IGF1R: variants seen among roughly 807,000 people sequenced by gnomAD.
IGF1R encodes insulin like growth factor 1 receptor.
In IGF1R, 44 loss-of-function variants were observed where a neutral mutation model predicts 144.6. The ratio of observed to expected loss-of-function variants is 0.30; its 90% CI spans 0.24 to 0.39. IGF1R has a LOEUF of 0.39. IGF1R is among the 10% of genes least tolerant of loss of function. The pLI is 1.00. For synonymous variants in IGF1R, 795 were observed against 722.8 expected (o/e 1.10, Z -1.60); for missense variants, 1,355 against 1,833.7 (o/e 0.74, Z 4.77).
chr15:98,877,844 A>C (rs547139342), intron 2 of IGF1R, among the ~76,000 whole-genome samples: 6 of 152,356 alleles, frequency 3.9e-5, no homozygotes, highest in African/African-American at 1.2e-4. Context: ...ACAAAATTTT[A>C]TCAGAAACAT....
Position 98,847,966 on chromosome 15 carries a change from A to G in IGF1R, c.641-43359A>G, listed in dbSNP as rs1237002944. Among the ~76,000 whole-genome samples, 6 of 152,186 alleles carry G rather than the reference A, an allele frequency of 3.9e-5. 1 individual carries two copies. On this transcript the variant is annotated intron_variant, in intron 2 of 20. Coordinates refer to ENST00000650285, the MANE Select transcript of IGF1R (RefSeq NM_000875.5). ...TTGCAGAGCCCCCTGTTAGATGGAT[A>G]TAACCGGGCCCTGGGACCATTGCTG...
chr15:98,657,233 T>A (rs1299518940), intron 1 of IGF1R, among the ~76,000 whole-genome samples: 1 of 152,212 alleles, frequency 6.6e-6, no homozygotes, highest in Non-Finnish European at 1.5e-5. Context: ...GAGATGAATT[T>A]ATTTGTAGGA....
chr15:98,662,358 C>T (rs2052620914), intron 1 of IGF1R, among the ~76,000 whole-genome samples: 2 of 152,084 alleles, frequency 1.3e-5, no homozygotes, highest in Admixed American at 1.3e-4. Flanking sequence ...TTGTTGAAAC[C>T]ACTAAGTAAC....
At chr15:98,780,616 C>T in intron 2 of IGF1R, among the ~76,000 whole-genome samples, 1 of 143,350 alleles carries the variant, frequency 7.0e-6, no homozygotes. Flanking sequence ...AATATGTTAT[C>T]TACTTGATGG....
chr15:98,934,218 A>G (rs756152481), intron 15 of IGF1R, among the ~76,000 whole-genome samples: 17 of 150,836 alleles, frequency 1.1e-4, no homozygotes, highest in African/African-American at 2.0e-4. Context: ...ACCAGCTGCC[A>G]TGTTAGATAG....
chr15:98,878,084 G>T (rs117766385), intron 2 of IGF1R, among the ~76,000 whole-genome samples: 2 of 152,210 alleles, frequency 1.3e-5, no homozygotes, highest in Non-Finnish European at 2.9e-5. Flanking sequence ...GCAGTGTATC[G>T]GTAGCATTGA....
intron 1 of IGF1R, among the ~76,000 whole-genome samples, chr15:98,681,978 G>A (rs1254305572): frequency 6.6e-6 from 1 of 152,118 alleles, no homozygotes; most frequent in African/African-American, 2.4e-5. Flanking sequence ...TTTCTTTTGA[G>A]CTTAGTGATT....
chr15:98,876,421 G>A (rs776133386), intron 2 of IGF1R, among the ~76,000 whole-genome samples: 12 of 152,076 alleles, frequency 7.9e-5, no homozygotes, highest in Non-Finnish European at 1.6e-4. Flanking sequence ...GGAAATGAGA[G>A]TTGCCAATAT....
At chr15:98,902,060 G>A (rs1202639256) in intron 5 of IGF1R, among the ~76,000 whole-genome samples, 1 of 152,094 alleles carries the variant, frequency 6.6e-6, no homozygotes, top group South Asian at 2.1e-4. Flanking sequence ...TTTGGTTTAA[G>A]CCAAGATAGC....
chr15:98,688,237 AG>A (rs2053380471), intron 1 of IGF1R, among the ~76,000 whole-genome samples: 1 of 152,026 alleles, frequency 6.6e-6, no homozygotes, highest in African/African-American at 2.4e-5. Context: ...TAGTGTCAGT[AG>A]TATAGTTCTC....
intron 1 of IGF1R, among the ~76,000 whole-genome samples, chr15:98,661,956 C>CTTTTTTTTTTTTTTTTTTTTTTTTTTTTT (rs869208651): frequency 9.5e-6 from 1 of 105,720 alleles, no homozygotes; most frequent in South Asian, 3.1e-4. Context: ...GAATAGGGCC[C>CTTTTTTTTTTTTTTTTTTTTTTTTTTTTT]TTTTTTTTTT....
At chr15:98,893,372 T>C (rs2151647309) in intron 3 of IGF1R, 1 of 152,352 alleles carries the variant, frequency 6.6e-6, no homozygotes, top group East Asian at 1.9e-4. Flanking sequence ...AGAAAATTAC[T>C]CTGAATACTT....
At chr15:98,907,704 C>A (rs1259821346) in intron 5 of IGF1R, among the ~76,000 whole-genome samples, 1 of 152,248 alleles carries the variant, frequency 6.6e-6, no homozygotes, top group Non-Finnish European at 1.5e-5. Context: ...TGCTTTCTTG[C>A]CTCTCCAGGG....
chr15:98,742,055 C>G (rs2054758207), intron 2 of IGF1R, among the ~76,000 whole-genome samples: 1 of 152,180 alleles, frequency 6.6e-6, no homozygotes, highest in Non-Finnish European at 1.5e-5. Context: ...TGACTTAGCC[C>G]TTTAAGAATT....
At chr15:98,886,266 A>G (rs1567177945) in intron 2 of IGF1R, among the ~76,000 whole-genome samples, 3 of 152,176 alleles carry the variant, frequency 2.0e-5, no homozygotes. Flanking sequence ...TTAAAGGCTG[A>G]TGTGTGTGAC....
chr15:98,768,049 AAGAC>A (rs1195732100), intron 2 of IGF1R, among the ~76,000 whole-genome samples: 1 of 152,134 alleles, frequency 6.6e-6, no homozygotes, highest in African/African-American at 2.4e-5. Flanking sequence ...GATCCATAGG[AAGAC>A]AGACAGACTT....
intron 12 of IGF1R, 126 bp downstream of exon 12, chr15:98,924,138 G>GCA: frequency 1.0e-6 from 1 of 995,816 alleles, no homozygotes; most frequent in Non-Finnish European, 1.6e-6. Flanking sequence ...TGCCAAGTTG[G>GCA]TGAGGATTTG....
chr15:98,925,348 A>T (rs2015671585), intron 13 of IGF1R, among the ~76,000 whole-genome samples: 1 of 152,256 alleles, frequency 6.6e-6, no homozygotes, highest in African/African-American at 2.4e-5. Context: ...TATAAGATGT[A>T]TAAGCGCAAC....
intron 2 of IGF1R, among the ~76,000 whole-genome samples, chr15:98,839,917 C>T (rs963898053): frequency 6.6e-6 from 1 of 152,138 alleles, no homozygotes; most frequent in African/African-American, 2.4e-5. Context: ...AAATAATTTG[C>T]CTGTTGTCAT....
Sources: allele counts gnomAD v4.1 joint callset (sites outside exome capture counted in the v4.1 genomes callset), GRCh38; gene constraint gnomAD v4.1.1; transcripts MANE v1.5; gene names NCBI Gene and HGNC (gene_info 2026-07-23, HGNC 2026-07-21).